The following RAP1A variants were observed in gnomAD, a reference collection of about 807,000 sequenced individuals.
The protein encoded by RAP1A is ras-related protein Rap-1A.
A neutral mutation model predicts 26.4 loss-of-function variants in RAP1A; 6 were observed. That is an observed-to-expected ratio of 0.23 (90% CI 0.12 to 0.45). The LOEUF (loss-of-function observed/expected upper bound fraction) is 0.45, where lower values mean the gene tolerates loss of function less well. RAP1A is among the 20% of genes least tolerant of loss of function. The pLI is 0.99. For missense variants in RAP1A, 121 were observed against 217.2 expected (o/e 0.56, Z 2.78); for synonymous variants, 73 against 79.4 (o/e 0.92, Z 0.43).
intron 1 of RAP1A, among the ~76,000 whole-genome samples, chr1:111,639,902 G>A (rs1035175330): frequency 6.6e-6 from 1 of 152,186 alleles, no homozygotes; most frequent in Non-Finnish European, 1.5e-5. Context: ...TATGCTTTTT[G>A]CATGGTGTGT....
In RAP1A at chr1:111,606,461, C is replaced by A. The variant is rs568303082; in HGVS notation, c.-28+63952C>A. Among the ~76,000 whole-genome samples, 6 of 152,334 alleles carry A rather than the reference C, an allele frequency of 3.9e-5. No homozygotes were observed. The South Asian group carries it at 8.3e-4, about 21-fold the overall frequency. On this transcript the variant is annotated intron_variant, in intron 1 of 7. Coordinates refer to the RAP1A transcript ENST00000356415. ...AAACACTATTTTCATATAGACCTGGCAAACAGCTTCCAGTATTTTCTGTCC... is the reference window on the plus strand; with the variant it reads ...AAACACTATTTTCATATAGACCTGGAAAACAGCTTCCAGTATTTTCTGTCC...
intron 4 of RAP1A, 46 bp from the exon 5 acceptor site, chr1:111,703,290 T>G: frequency 7.7e-7 from 1 of 1,297,416 alleles, no homozygotes; most frequent in Non-Finnish European, 1.0e-6. Context: ...GCAGTATACA[T>G]TCAAGAAATT....
chr1:111,614,288 A>G (rs1658977932), intron 1 of RAP1A, among the ~76,000 whole-genome samples: 1 of 152,218 alleles, frequency 6.6e-6, no homozygotes, highest in South Asian at 2.1e-4. Context: ...TACCAATGCC[A>G]GGTCACATTT....
At chr1:111,693,754 T>A (rs778158035) in intron 2 of RAP1A, among the ~76,000 whole-genome samples, 1 of 152,152 alleles carries the variant, frequency 6.6e-6, no homozygotes, top group African/African-American at 2.4e-5. Context: ...TGTAAACTTA[T>A]GAGAGAAGAA....
intron 4 of RAP1A, among the ~76,000 whole-genome samples, chr1:111,698,444 T>A (rs949666685): frequency 3.9e-5 from 6 of 152,096 alleles, no homozygotes; most frequent in East Asian, 3.9e-4. Context: ...AATAAAAAAA[T>A]TTTTTTTGTA....
chr1:111,606,850 G>A (rs954926758), intron 1 of RAP1A, among the ~76,000 whole-genome samples: 3 of 152,176 alleles, frequency 2.0e-5, no homozygotes, highest in Non-Finnish European at 4.4e-5. Flanking sequence ...TTTGAAGAGA[G>A]AACAAAAGCA....
chr1:111,694,015 A>C (rs868449083), intron 2 of RAP1A, among the ~76,000 whole-genome samples: 1 of 151,906 alleles, frequency 6.6e-6, no homozygotes, highest in African/African-American at 2.4e-5. Context: ...TAGCTACCCA[A>C]GTAGCTGGGA....
intron 1 of RAP1A, among the ~76,000 whole-genome samples, chr1:111,606,472 C>A (rs954959234): frequency 6.6e-6 from 1 of 152,208 alleles, no homozygotes; most frequent in Non-Finnish European, 1.5e-5. Flanking sequence ...AAACAGCTTC[C>A]AGTATTTTCT....
In RAP1A at chr1:111,691,105, A is replaced by G. The variant is rs370703457; in HGVS notation, c.-27-229A>G. ...TCAAAGATTTTTAGAAGTAATATGA[A>G]CATAATTGATGCCTAGTCAAAGATG... On this transcript the variant is annotated intron_variant, in intron 1 of 7. Transcript: ENST00000369709. Among the ~76,000 whole-genome samples, 20 of 152,360 alleles carry G rather than the reference A, an allele frequency of 1.3e-4. No homozygotes were observed. The East Asian group carries it at 1.9e-3, about 15-fold the overall frequency.
chr1:111,609,980 T>C (rs2477425), intron 1 of RAP1A, among the ~76,000 whole-genome samples: 59,717 of 152,048 alleles, frequency 0.39, 11,978 homozygotes, highest in East Asian at 0.5. Context: ...TAGTTTATTC[T>C]GTAACCACCA....
intron 1 of RAP1A, among the ~76,000 whole-genome samples, chr1:111,596,490 A>G (rs755737875): frequency 3.3e-5 from 5 of 152,268 alleles, no homozygotes; most frequent in Non-Finnish European, 7.3e-5. Flanking sequence ...GAGTTTTATA[A>G]TATCAGGGAC....
At chr1:111,587,982 G>A (rs1232386856) in intron 1 of RAP1A, among the ~76,000 whole-genome samples, 1 of 151,994 alleles carries the variant, frequency 6.6e-6, no homozygotes, top group East Asian at 1.9e-4. Flanking sequence ...AGTTCTCTTT[G>A]GTGGTCACAA....
At chr1:111,642,877 C>G (rs576701764) in intron 1 of RAP1A, among the ~76,000 whole-genome samples, 104 of 146,494 alleles carry the variant, frequency 7.1e-4, no homozygotes, top group Non-Finnish European at 1.3e-3. Flanking sequence ...TCAGGTGATT[C>G]TCCTGCCTCA....
At position 111,714,169 on chromosome 1, in the gene RAP1A, A is replaced by G. The variant is rs1198020734; in HGVS notation, c.*1768A>G. Reference sequence around the variant, plus strand: ...GTTTGTGTTTTTGTTTTAGTTTCGAATAAACTTAGTTACCTTACACTTCCC... The same window carrying G: ...GTTTGTGTTTTTGTTTTAGTTTCGAGTAAACTTAGTTACCTTACACTTCCC... On this transcript the variant is annotated 3_prime_UTR_variant, in exon 8 of 8. Coordinates refer to ENST00000369709, the MANE Select transcript of RAP1A (RefSeq NM_002884.4). 1 of 152,220 alleles carries G rather than the reference A, an allele frequency of 6.6e-6. No individual in the cohort carries two copies. Among genetic ancestry groups the G allele is most frequent in the Non-Finnish European group, 1.5e-5 (1 of 68,032 alleles). The allele number at this position is 152,220 out of a possible 1,614,324, so 9.4% of individuals were successfully genotyped here. A position where few individuals can be genotyped will look rare whatever the true frequency, so the allele number is the denominator to read the frequency against.
intron 1 of RAP1A, among the ~76,000 whole-genome samples, chr1:111,681,511 C>G (rs1385610399): frequency 6.6e-6 from 1 of 152,100 alleles, no homozygotes; most frequent in Non-Finnish European, 1.5e-5. Context: ...CATAAATGAC[C>G]TGATGGAGCT....
chr1:111,645,571 G>A (rs1476147301), intron 1 of RAP1A, among the ~76,000 whole-genome samples: 1 of 152,196 alleles, frequency 6.6e-6, no homozygotes, highest in Non-Finnish European at 1.5e-5. Context: ...GGAATACATG[G>A]AATAGAGGAA....
At position 111,653,430 on chromosome 1, in the gene RAP1A, C is replaced by A. The variant is rs1004991393; in HGVS notation, c.-28+33496C>A. Among the ~76,000 whole-genome samples, 5 of 151,830 alleles carry A rather than the reference C, an allele frequency of 3.3e-5. 1 individual carries two copies. The stretch of plus-strand genomic sequence containing the variant: ...GGCGCGGTGGCTCACGCCTGTAATC[C>A]CAGCACTTTGGGAGGCTGAGGCGGG... On this transcript the variant is annotated intron_variant, in intron 1 of 7. Transcript: ENST00000369709.
At chr1:111,561,557 G>T (rs566343312) in intron 1 of RAP1A, among the ~76,000 whole-genome samples, 1 of 152,280 alleles carries the variant, frequency 6.6e-6, no homozygotes, top group East Asian at 1.9e-4. Flanking sequence ...AGATACAGAG[G>T]TCATAGTCTC....
chr1:111,674,109 C>T (rs1433134494), intron 1 of RAP1A, among the ~76,000 whole-genome samples: 1 of 152,036 alleles, frequency 6.6e-6, no homozygotes. Flanking sequence ...ATGATCCATG[C>T]TATATTAGGA....
Sources: gnomAD v4.1 joint callset for allele counts (sites outside exome capture counted in the v4.1 genomes callset) on GRCh38, gnomAD v4.1.1 for gene constraint, MANE v1.5 for transcripts, NCBI Gene and HGNC (gene_info 2026-07-23, HGNC 2026-07-21) for gene names.